Variants in SLC14A2 observed in about 807,000 individuals in gnomAD.
SLC14A2 encodes the protein solute carrier family 14 member 2, also known as urea transporter 2.
A neutral mutation model predicts 104.6 loss-of-function variants in SLC14A2; 91 were observed. The ratio of observed to expected loss-of-function variants is 0.87; its 90% CI spans 0.73 to 1.04. The LOEUF (loss-of-function observed/expected upper bound fraction) is 1.04. Among genes scored for constraint, SLC14A2 ranks in the 50% least tolerant of loss-of-function variants. The pLI is 0.00. For synonymous variants in SLC14A2, 476 were observed against 466.4 expected (o/e 1.02, Z -0.27); for missense variants, 1,189 against 1,156.0 (o/e 1.03, Z -0.41).
In SLC14A2 at chr18:45,374,541, A is replaced by AC. The variant is rs559807630; in HGVS notation, c.-124-108687dup. Among the ~76,000 whole-genome samples the AC allele has an allele frequency of 2.1e-4, 29 of 139,724 alleles. No homozygotes were observed. The East Asian group carries it at 5.3e-3, about 26-fold the overall frequency. 91.7% of individuals were successfully genotyped at this position (139,724 alleles called of 152,430 possible). ...CAGAAACTGTTCAATCCCTACTCCC[A>AC]CCCCCACCTCTCAGATAAAAGATAA... On this transcript the variant is annotated intron_variant, in intron 1 of 20. Coordinates refer to the SLC14A2 transcript ENST00000586448.
chr18:45,484,881 C>T (rs2087570049), intron 2 of SLC14A2, among the ~76,000 whole-genome samples: 1 of 152,136 alleles, frequency 6.6e-6, no homozygotes, highest in Non-Finnish European at 1.5e-5. Flanking sequence ...GAGCACAATA[C>T]ACATTATCTC....
the SLC14A2 span, among the ~76,000 whole-genome samples, chr18:45,204,901 G>A: frequency 6.6e-6 from 1 of 152,096 alleles, no homozygotes; most frequent in African/African-American, 2.4e-5. Flanking sequence ...CTATGCTAAT[G>A]TTGCATGAAG....
intron 2 of SLC14A2, among the ~76,000 whole-genome samples, chr18:45,500,438 G>A (rs866180097): frequency 3.2e-4 from 48 of 152,134 alleles, no homozygotes; most frequent in African/African-American, 1.1e-3. Flanking sequence ...TTAGCGGGGC[G>A]TGGTAGCGGG....
chr18:45,181,855 A>G, the SLC14A2 span, among the ~76,000 whole-genome samples: 3 of 152,190 alleles, frequency 2.0e-5, no homozygotes, highest in Non-Finnish European at 4.4e-5. Context: ...TAATTTGAAT[A>G]TAATAATGAG....
chr18:45,340,147 A>G (rs1384218429), intron 1 of SLC14A2, among the ~76,000 whole-genome samples: 1 of 152,244 alleles, frequency 6.6e-6, no homozygotes, highest in Non-Finnish European at 1.5e-5. Context: ...TATGGCCAGC[A>G]TGGAACCCTA....
chr18:45,457,589 G>C (rs1167711185), intron 1 of SLC14A2, among the ~76,000 whole-genome samples: 2 of 151,994 alleles, frequency 1.3e-5, no homozygotes, highest in African/African-American at 4.8e-5. Context: ...AAAATCCTAG[G>C]AGCAGTGTTT....
chr18:45,599,132 AG>A (rs1369972100), intron 2 of SLC14A2, among the ~76,000 whole-genome samples: 1 of 152,236 alleles, frequency 6.6e-6, no homozygotes, highest in Non-Finnish European at 1.5e-5. Flanking sequence ...CAAACCCTGG[AG>A]GCATTTTAAA....
chr18:45,470,242 T>C (rs1289371155), intron 1 of SLC14A2, among the ~76,000 whole-genome samples: 1 of 152,214 alleles, frequency 6.6e-6, no homozygotes, highest in Admixed American at 6.5e-5. Flanking sequence ...ACTCAACCTG[T>C]CTGATACATG....
At position 45,682,812 on chromosome 18, in the gene SLC14A2, C is replaced by T. The variant is rs1304049811; in HGVS notation, c.*293C>T. The T allele has an allele frequency of 4.4e-5, 15 of 338,146 alleles. No individual in the cohort carries two copies. Among genetic ancestry groups the T allele is most frequent in the Non-Finnish European group, 6.3e-5 (11 of 175,224 alleles). The allele number at this position is 338,146 out of a possible 1,614,324, so 20.9% of individuals were successfully genotyped here. On this transcript the variant is annotated 3_prime_UTR_variant, in exon 20 of 20. Transcript: ENST00000255226. ...AGCCTCATCCTTAAAGAGAAGTCAC[C>T]GGCCGGGCACGGTGGCTCACGCCTG...
At chr18:45,678,610 G>T (rs933324836) in intron 18 of SLC14A2, among the ~76,000 whole-genome samples, 3 of 152,234 alleles carry the variant, frequency 2.0e-5, no homozygotes, top group African/African-American at 7.2e-5. Context: ...AACTTGTGAT[G>T]AAATATTCCA....
At chr18:45,488,481 A>G (rs535353172) in intron 2 of SLC14A2, among the ~76,000 whole-genome samples, 3 of 152,292 alleles carry the variant, frequency 2.0e-5, no homozygotes, top group African/African-American at 7.2e-5. Flanking sequence ...TCAGCCATGG[A>G]AGTGGCTAAA....
intron 2 of SLC14A2, among the ~76,000 whole-genome samples, chr18:45,509,710 G>T (rs1005490193): frequency 6.6e-6 from 1 of 152,158 alleles, no homozygotes; most frequent in Non-Finnish European, 1.5e-5. Flanking sequence ...CCCCATCCCT[G>T]CCTCCCTTGG....
At chr18:45,499,992 G>T (rs566783484) in intron 2 of SLC14A2, among the ~76,000 whole-genome samples, 1 of 152,184 alleles carries the variant, frequency 6.6e-6, no homozygotes, top group Non-Finnish European at 1.5e-5. Context: ...TATGCCTGAC[G>T]ATAGAGCATT....
At chr18:45,446,710 C>T (rs1195353639) in intron 1 of SLC14A2, among the ~76,000 whole-genome samples, 2 of 152,238 alleles carry the variant, frequency 1.3e-5, no homozygotes, top group Non-Finnish European at 2.9e-5. Context: ...CCTTTCCCCA[C>T]CTCGCACAGG....
At chr18:45,313,077 C>T (rs1050877781) in intron 1 of SLC14A2, among the ~76,000 whole-genome samples, 5 of 152,206 alleles carry the variant, frequency 3.3e-5, no homozygotes, top group African/African-American at 9.7e-5. Context: ...TGGCTTTATC[C>T]TCTCAAGTTT....
At chr18:45,196,473 A>C in the SLC14A2 span, among the ~76,000 whole-genome samples, 1 of 152,260 alleles carries the variant, frequency 6.6e-6, no homozygotes, top group South Asian at 2.1e-4. Context: ...CAAAGAAATT[A>C]TGCAGTAAGG....
At chr18:45,471,631 C>A (rs1409000878) in intron 1 of SLC14A2, among the ~76,000 whole-genome samples, 1 of 151,862 alleles carries the variant, frequency 6.6e-6, no homozygotes, top group African/African-American at 2.4e-5. Context: ...GTGTTCTGCT[C>A]ACTTGATCAA....
intron 1 of SLC14A2, among the ~76,000 whole-genome samples, chr18:45,226,430 C>T (rs930132504): frequency 3.3e-5 from 5 of 152,048 alleles, no homozygotes; most frequent in Admixed American, 6.6e-5. Flanking sequence ...AAATGTCCAT[C>T]AATGACAAAT....
intron 1 of SLC14A2, among the ~76,000 whole-genome samples, chr18:45,278,681 C>T (rs996322045): frequency 1.3e-5 from 2 of 152,104 alleles, no homozygotes; most frequent in African/African-American, 4.8e-5. Context: ...ATAGTCAGCC[C>T]TGTGAAACCT....
Sources: allele counts gnomAD v4.1 joint callset (sites outside exome capture counted in the v4.1 genomes callset), GRCh38; gene constraint gnomAD v4.1.1; transcripts MANE v1.5; gene names NCBI Gene and HGNC (gene_info 2026-07-23, HGNC 2026-07-21).